The following NPHP1 variants were observed in gnomAD, a reference collection of about 807,000 sequenced individuals.
NPHP1 encodes nephrocystin-1.
NPHP1 carries 70 observed loss-of-function variants against 90.4 expected under a neutral mutation model. That is an observed-to-expected ratio of 0.77 (90% confidence interval 0.64 to 0.95). The LOEUF (loss-of-function observed/expected upper bound fraction) is 0.95. NPHP1 is among the 40% of genes least tolerant of loss of function. The pLI, the probability that NPHP1 is intolerant of heterozygous loss-of-function variation, is 0.00. For synonymous variants in NPHP1, 256 were observed against 271.7 expected (o/e 0.94, Z 0.57); for missense variants, 764 against 795.9 (o/e 0.96, Z 0.48).
intron 2 of NPHP1, among the ~76,000 whole-genome samples, chr2:110,196,020 CT>C (rs1481932604): frequency 6.6e-6 from 1 of 152,110 alleles, no homozygotes; most frequent in Non-Finnish European, 1.5e-5. Context: ...GGATTAAAGA[CT>C]TAAATGTTGG....
At chr2:110,150,641 C>T (rs537413069) in intron 11 of NPHP1, among the ~76,000 whole-genome samples, 6 of 151,992 alleles carry the variant, frequency 3.9e-5, no homozygotes, top group African/African-American at 1.4e-4. Flanking sequence ...CCTCCGCCTC[C>T]CAGGTACAAG....
At chr2:110,145,521 C>T (rs1329057827) in intron 14 of NPHP1, among the ~76,000 whole-genome samples, 1 of 152,056 alleles carries the variant, frequency 6.6e-6, no homozygotes, top group South Asian at 2.1e-4. Context: ...AACTCCCAGG[C>T]TCAGGTGATC....
intron 13 of NPHP1, among the ~76,000 whole-genome samples, chr2:110,147,323 A>G (rs1444755726): frequency 6.6e-6 from 1 of 151,978 alleles, no homozygotes; most frequent in Non-Finnish European, 1.5e-5. Flanking sequence ...ATACATATGG[A>G]TGAATTTGCC....
At chr2:110,135,948 G>A (rs1441121018) in intron 16 of NPHP1, among the ~76,000 whole-genome samples, 2 of 152,108 alleles carry the variant, frequency 1.3e-5, no homozygotes, top group Admixed American at 1.3e-4. Flanking sequence ...TAAGCTTCAT[G>A]GAATGCATCA....
At chr2:110,144,876 C>A (rs990753939) in intron 14 of NPHP1, among the ~76,000 whole-genome samples, 1 of 151,898 alleles carries the variant, frequency 6.6e-6, no homozygotes, top group Non-Finnish European at 1.5e-5. Flanking sequence ...TAATGACTTA[C>A]ATTAATGACA....
intron 2 of NPHP1, chr2:110,184,206 G>T (rs1684118796): frequency 1.8e-6 from 1 of 567,244 alleles, no homozygotes; most frequent in Non-Finnish European, 3.5e-6. Context: ...CATGGCAGGA[G>T]CCCTTGAAGG....
intron 2 of NPHP1, among the ~76,000 whole-genome samples, chr2:110,183,354 G>A (rs1684043962): frequency 6.6e-6 from 1 of 152,148 alleles, no homozygotes; most frequent in Admixed American, 6.5e-5. Flanking sequence ...TGTGCCTTAA[G>A]GACATGTTCC....
At chr2:110,135,054 T>C (rs1328058052) in intron 16 of NPHP1, among the ~76,000 whole-genome samples, 1 of 152,018 alleles carries the variant, frequency 6.6e-6, no homozygotes, top group Non-Finnish European at 1.5e-5. Flanking sequence ...AAACCCTAAA[T>C]ACTCCATGAA....
intron 14 of NPHP1, among the ~76,000 whole-genome samples, chr2:110,146,283 T>C (rs1294091752): frequency 6.6e-6 from 1 of 152,140 alleles, no homozygotes; most frequent in Non-Finnish European, 1.5e-5. Flanking sequence ...AACTCTTCTG[T>C]ACATATTGCA....
At chr2:110,127,948 A>C (rs1387127259) in intron 18 of NPHP1, 1 of 152,154 alleles carries the variant, frequency 6.6e-6, no homozygotes, top group Non-Finnish European at 1.5e-5. Flanking sequence ...TGTGTAATGA[A>C]TAATTATTAT....
Position 110,202,334 on chromosome 2 carries a change from T to C in NPHP1, c.70-840A>G, listed in dbSNP as rs1006368055. 8.0e-6 allele frequency: 3 copies of C among 376,504 alleles called. No homozygotes were observed. In the Admixed American group the frequency reaches 8.1e-5, roughly 10 times the overall value. The allele number at this position is 376,504 out of a possible 1,614,324, so 23.3% of individuals were successfully genotyped here. ...TTAGTTTCTTCTCTACTCTTGCAAT[T>C]TGGCATCCATCTGAGTGTTATTTAC... On this transcript the variant is annotated intron_variant, in intron 1 of 19. Transcript: ENST00000445609.
Position 110,163,029 on chromosome 2 carries a change from G to C in NPHP1, c.859+19C>G. The C allele has an allele frequency of 6.4e-7, 1 of 1,571,588 alleles. No individual in the cohort carries two copies. Among genetic ancestry groups the C allele is most frequent in the South Asian group, 1.1e-5 (1 of 90,030 alleles). On this transcript the variant is annotated intron_variant, in intron 9 of 19. Coordinates refer to ENST00000445609, the MANE Select transcript of NPHP1 (RefSeq NM_001128178.3). The stretch of plus-strand genomic sequence containing the variant: ...ACTGCTTTGCTGAAAGAGTGCAGTG[G>C]CTGATAGGCACGCATTACCTTCCTC...
intron 2 of NPHP1, among the ~76,000 whole-genome samples, chr2:110,191,456 G>A (rs992424334): frequency 6.6e-5 from 10 of 152,220 alleles, no homozygotes; most frequent in African/African-American, 1.2e-4. Context: ...AGGCAGCAGC[G>A]AGGCTGTTTG....
At chr2:110,195,990 T>C (rs552900261) in intron 2 of NPHP1, among the ~76,000 whole-genome samples, 1 of 152,252 alleles carries the variant, frequency 6.6e-6, no homozygotes, top group Admixed American at 6.5e-5. Context: ...TTACACCTTA[T>C]ACAAAAATTA....
At chr2:110,134,921 C>A (rs1680054685) in intron 16 of NPHP1, among the ~76,000 whole-genome samples, 2 of 151,982 alleles carry the variant, frequency 1.3e-5, no homozygotes, top group Non-Finnish European at 2.9e-5. Context: ...AGATAAGGAA[C>A]AAGACAAGGA....
chr2:110,195,506 G>GCA (rs1685100609), intron 2 of NPHP1, among the ~76,000 whole-genome samples: 1 of 152,070 alleles, frequency 6.6e-6, no homozygotes, highest in Non-Finnish European at 1.5e-5. Flanking sequence ...AATAAAAGAG[G>GCA]ATACAAACAA....
chr2:110,161,508 T>C (rs1302319989), intron 10 of NPHP1, 95 bp downstream of exon 10: 1 of 830,306 alleles, frequency 1.2e-6, no homozygotes, highest in Non-Finnish European at 1.9e-6. Flanking sequence ...TTTTGTTTTT[T>C]ATAATTCATT....
intron 2 of NPHP1, among the ~76,000 whole-genome samples, chr2:110,187,909 CA>C (rs139627954): frequency 0.3 from 45,099 of 150,370 alleles, 7,325 homozygotes; most frequent in East Asian, 0.54. Flanking sequence ...GAACTTAAGA[CA>C]AAAAAAAATG....
chr2:110,153,760 T>C (rs932131544), intron 11 of NPHP1, among the ~76,000 whole-genome samples: 1 of 152,008 alleles, frequency 6.6e-6, no homozygotes, highest in African/African-American at 2.4e-5. Flanking sequence ...GGCAGGTGGA[T>C]CACCTGAGGT....
Sources: allele counts gnomAD v4.1 joint callset (sites outside exome capture counted in the v4.1 genomes callset), GRCh38; gene constraint gnomAD v4.1.1; transcripts MANE v1.5; gene names NCBI Gene and HGNC (gene_info 2026-07-23, HGNC 2026-07-21).